The following MYBPC2 variants were observed in gnomAD, a reference collection of about 807,000 sequenced individuals.
MYBPC2 encodes myosin binding protein C2, also known as myosin-binding protein C, fast-type.
Under a neutral mutation model 137.0 loss-of-function variants are expected in MYBPC2, and 122 were observed. The observed-to-expected ratio is 0.89, with a 90% CI of 0.77 to 1.03. The LOEUF (loss-of-function observed/expected upper bound fraction) is 1.03, where lower values mean the gene tolerates loss of function less well. Ranked by LOEUF, MYBPC2 falls within the 50% of genes least tolerant of loss-of-function variation. The probability of loss-of-function intolerance (pLI) is 0.00; values close to 1 mark genes in which losing one functional copy is unlikely to be tolerated. For synonymous variants in MYBPC2, 626 were observed against 612.3 expected, an observed-to-expected ratio of 1.02 and a Z score of -0.33; for missense variants, 1,500 against 1,534.4, an observed-to-expected ratio of 0.98 and a Z score of 0.37.
chr19:50,451,640 ATC>A (rs1437406746), intron 15 of MYBPC2, among the ~76,000 whole-genome samples: 48 of 118,082 alleles, frequency 4.1e-4, no homozygotes, highest in South Asian at 1.8e-3. Flanking sequence ...GGGGACCTGG[ATC>A]CCTGGGTATG....
intron 9 of MYBPC2, among the ~76,000 whole-genome samples, chr19:50,443,204 A>G (rs2039771786): frequency 6.6e-6 from 1 of 152,134 alleles, no homozygotes; most frequent in Non-Finnish European, 1.5e-5. Context: ...TGCACCTGTG[A>G]TCCTAGCTAC....
chr19:50,454,394 T>A (rs774858438), intron 18 of MYBPC2, 25 bp downstream of exon 18: 1 of 1,405,800 alleles, frequency 7.1e-7, no homozygotes. Context: ...CCTCATGACC[T>A]CTGACCTTCC....
Position 50,466,148 on chromosome 19 carries a change from G to T in MYBPC2, c.3416-47G>T. 1 of 1,612,706 alleles carries T rather than the reference G, an allele frequency of 6.2e-7. No individual in the cohort carries two copies. ...AGCTCCTCCTCCTGGGGCTTCAGGA[G>T]GAGGCGTGCCCGGGCCTGGCTCACC... On this transcript the variant is annotated intron_variant, in intron 27 of 27. Coordinates refer to ENST00000357701, the MANE Select transcript of MYBPC2 (RefSeq NM_004533.4). The surrounding 1 kb of genome is among the most constrained non-coding windows in gnomAD (Gnocchi z 4.9).
At chr19:50,463,950 AAAAAG>A (rs992205225) in intron 26 of MYBPC2, among the ~76,000 whole-genome samples, 11 of 152,130 alleles carry the variant, frequency 7.2e-5, no homozygotes, top group African/African-American at 2.6e-4. Context: ...AAAAAAAAAA[AAAAAG>A]GGAAGGGCAC....
chr19:50,458,020 A>G (rs761023776), intron 20 of MYBPC2, among the ~76,000 whole-genome samples: 1 of 151,642 alleles, frequency 6.6e-6, no homozygotes, highest in Non-Finnish European at 1.5e-5. Context: ...TGGGGATAGC[A>G]CAGGGTTGAG....
intron 23 of MYBPC2, 56 bp downstream of exon 23, chr19:50,459,362 T>C (rs1409976463): frequency 3.7e-6 from 4 of 1,091,586 alleles, no homozygotes; most frequent in Non-Finnish European, 4.6e-6. Context: ...TGGGCAGCGA[T>C]GGGGGAGGAG....
chr19:50,462,701 T>C (rs1172736106), intron 26 of MYBPC2, among the ~76,000 whole-genome samples: 1 of 152,102 alleles, frequency 6.6e-6, no homozygotes, highest in African/African-American at 2.4e-5. Context: ...CTCAGCCTCC[T>C]GAGTAGCTAG....
At chr19:50,464,631 CG>C in intron 27 of MYBPC2, 99 bp downstream of exon 27, 2 of 1,296,644 alleles carry the variant, frequency 1.5e-6, no homozygotes, top group Non-Finnish European at 1.0e-6. Flanking sequence ...GATCTGGAGA[CG>C]AGTGAGACCA....
chr19:50,464,404 T>C lies in MYBPC2; in HGVS notation c.3287T>C (p.Ile1096Thr), dbSNP rs752713113. 1.9e-6 allele frequency: 3 copies of C among 1,611,440 alleles called. No homozygotes were observed. The highest frequency in any genetic ancestry group is 2.5e-6 in the Non-Finnish European group (3 of 1,178,994). The change falls in exon 27 of 28, where the codon ATA (isoleucine) becomes ACA (threonine). Residue 1096 changes from isoleucine (I) to threonine (T), a missense_variant. Coordinates refer to ENST00000357701, the MANE Select transcript of MYBPC2 (RefSeq NM_004533.4). ...ATCCGTGAAGATCCCAAGTTCCTGATAACCAATTACCAAGGAGTCCTGACG... is the reference window on the plus strand; with the variant it reads ...ATCCGTGAAGATCCCAAGTTCCTGACAACCAATTACCAAGGAGTCCTGACG... ...MEIREDPKFL[I>T]TNYQGVLTLN...
chr19:50,460,268 G>T, intron 24 of MYBPC2, 89 bp downstream of exon 24: 1 of 1,472,194 alleles, frequency 6.8e-7, no homozygotes. Flanking sequence ...GAAGGGCAGG[G>T]AGGGGCCCAG....
Position 50,459,393 on chromosome 19 carries a change from A to T in MYBPC2, c.2791+87A>T, listed in dbSNP as rs533462574. The T allele has an allele frequency of 7.7e-6, 9 of 1,165,746 alleles. No individual in the cohort carries two copies. The African/African-American group carries it at 1.7e-4, about 22-fold the overall frequency. 72.2% of individuals were successfully genotyped at this position (1,165,746 alleles called of 1,614,324 possible). On this transcript the variant is annotated intron_variant, in intron 23 of 27. Coordinates refer to ENST00000357701, the MANE Select transcript of MYBPC2 (RefSeq NM_004533.4). ...AGGAGGTAAGAGATGAGGGGTGGGGAAGGAGGTGGGAGATGAAGGGTGGGA... is the reference window on the plus strand; with the variant it reads ...AGGAGGTAAGAGATGAGGGGTGGGGTAGGAGGTGGGAGATGAAGGGTGGGA...
At position 50,461,633 on chromosome 19, in the gene MYBPC2, C is replaced by T; in HGVS notation, c.3023C>T (p.Thr1008Ile). 1 of 1,613,686 alleles carries T rather than the reference C, an allele frequency of 6.2e-7. No homozygotes were observed. Among genetic ancestry groups the T allele is most frequent in the Non-Finnish European group, 8.5e-7 (1 of 1,179,856 alleles). ...AATGAATACTATTTCCGAGTTTACA[C>T]CGAGAACATCTGTGGGCTCAGTGAC... is the stretch of plus-strand genomic sequence containing the variant. Reference protein sequence around the residue: ...VGNEYYFRVYTENICGLSDSP... With the variant: ...VGNEYYFRVYIENICGLSDSP... The change falls in exon 25 of 28, where the codon ACC becomes ATC. Residue 1008 changes from threonine to isoleucine, a missense_variant. Transcript: ENST00000357701.
rs953691061 is a variant in MYBPC2, at chr19:50,465,922, TTAAC to T, written c.3416-270_3416-267del. Among the ~76,000 whole-genome samples the T allele has an allele frequency of 3.3e-5, 5 of 152,148 alleles. No individual in the cohort carries two copies. The highest frequency in any genetic ancestry group is 7.2e-5 in the African/African-American group (3 of 41,432). ...TTCTGATACTCTGCTGTCTCCCTGATTAACTATTAAATCAGCTCAGAAAAATCCC... is the reference window on the plus strand; with the variant it reads ...TTCTGATACTCTGCTGTCTCCCTGATTATTAAATCAGCTCAGAAAAATCCC... On this transcript the variant is annotated intron_variant, in intron 27 of 27. Coordinates refer to ENST00000357701, the MANE Select transcript of MYBPC2 (RefSeq NM_004533.4). This position sits in a 1 kb window ranked among gnomAD's most constrained non-coding sequence, Gnocchi z 4.5.
intron 16 of MYBPC2, among the ~76,000 whole-genome samples, chr19:50,452,716 C>A (rs376493053): frequency 9.2e-5 from 14 of 152,210 alleles, no homozygotes; most frequent in African/African-American, 3.1e-4. Flanking sequence ...TGCCACCATG[C>A]CTCGCTAATT....
At chr19:50,460,783 C>G (rs2039964517) in intron 24 of MYBPC2, among the ~76,000 whole-genome samples, 1 of 152,002 alleles carries the variant, frequency 6.6e-6, no homozygotes, top group Non-Finnish European at 1.5e-5. Context: ...ACTGCCTTCT[C>G]TGCCTCTGAG....
rs550800540 is a variant in MYBPC2 at position 50,433,042 on chromosome 19, CTGTT to C, written c.19+74_19+77del. 74 of 1,500,660 alleles carry C rather than the reference CTGTT, an allele frequency of 4.9e-5. No individual in the cohort carries two copies. In the South Asian group the frequency reaches 9.6e-4, roughly 19 times the overall value. The allele number at this position is 1,500,660 out of a possible 1,614,324, so 93.0% of individuals were successfully genotyped here. ...TTCTGGATGGGGATTTGGGACCCCT[CTGTT>C]TGTAGGGTTGGGAGAAGGAGGAACC... On this transcript the variant is annotated intron_variant, in intron 1 of 27. Coordinates refer to ENST00000357701, the MANE Select transcript of MYBPC2 (RefSeq NM_004533.4).
At chr19:50,464,320 G>C (rs200890064) in intron 26 of MYBPC2, 26 bp from the exon 27 acceptor site, 1 of 1,578,728 alleles carries the variant, frequency 6.3e-7, no homozygotes. Context: ...CTCTAAGTTG[G>C]CCTCCTCTCC....
At chr19:50,436,815 G>C in intron 5 of MYBPC2, 81 bp downstream of exon 5, 1 of 1,346,424 alleles carries the variant, frequency 7.4e-7, no homozygotes, top group Non-Finnish European at 1.1e-6. Context: ...TGTTGGGAGA[G>C]TGCACAGGCA....
intron 24 of MYBPC2, 100 bp downstream of exon 24, chr19:50,460,279 A>G (rs368222357): frequency 3.4e-6 from 5 of 1,450,394 alleles, no homozygotes; most frequent in African/African-American, 2.8e-5. Context: ...AGGGGCCCAG[A>G]GGCTAGAGGA....
Sources: allele counts gnomAD v4.1 joint callset (sites outside exome capture counted in the v4.1 genomes callset), GRCh38; gene constraint gnomAD v4.1.1; non-coding constraint Gnocchi (gnomAD v3.1); transcripts MANE v1.5; gene names NCBI Gene and HGNC (gene_info 2026-07-23, HGNC 2026-07-21).